SHCBP1: variants seen among roughly 807,000 people sequenced by gnomAD.
The protein encoded by SHCBP1 is SHC SH2 domain-binding protein 1.
Under a neutral mutation model 75.1 loss-of-function variants are expected in SHCBP1, and 60 were observed. The ratio of observed to expected loss-of-function variants is 0.80; its 90% CI spans 0.65 to 0.99. The LOEUF (loss-of-function observed/expected upper bound fraction) is 0.99, where lower values mean the gene tolerates loss of function less well. SHCBP1 is among the 50% of genes least tolerant of loss of function. The pLI, the probability that SHCBP1 is intolerant of heterozygous loss-of-function variation, is 0.00. For synonymous variants in SHCBP1, 290 were observed against 293.2 expected (o/e 0.99, Z 0.11); for missense variants, 709 against 809.4 (o/e 0.88, Z 1.50).
In SHCBP1 at chr16:46,603,957, GA is replaced by G; in HGVS notation, c.1092+17del. 1 of 1,596,944 alleles carries G rather than the reference GA, an allele frequency of 6.3e-7. No individual in the cohort carries two copies. The highest frequency in any genetic ancestry group is 1.1e-5 in the South Asian group (1 of 87,762). On this transcript the variant is annotated intron_variant, in intron 7 of 12. Coordinates refer to ENST00000303383, the MANE Select transcript of SHCBP1 (RefSeq NM_024745.5). ...AGAAGGAAAAAAAGCCACCTGGAGT[GA>G]GAAACTCTCCGTTTACCTGAATTTC... is the stretch of plus-strand genomic sequence containing the variant.
chr16:46,608,149 T>G, intron 5 of SHCBP1, 148 bp downstream of exon 5: 1 of 592,606 alleles, frequency 1.7e-6, no homozygotes, highest in South Asian at 2.1e-5. Context: ...TTTATTTCTG[T>G]CTATGAGATC....
chr16:46,583,581 C>G lies in SHCBP1; in HGVS notation c.1628G>C (p.Gly543Ala). Residue 543 changes from glycine to alanine, a missense_variant, in exon 12 of 13, where the codon GGT becomes GCT. Gly to Ala is a moderately conservative substitution (Grantham distance 60). Coordinates refer to ENST00000303383, the MANE Select transcript of SHCBP1 (RefSeq NM_024745.5). ...GATTGTAGGTTTCACCAAGACAACA[C>G]CATAACCTTCATTATTATGTATTAT... is the stretch of plus-strand genomic sequence containing the variant. Reference protein sequence around the residue: ...NNIIHNNEGYGVVLVKPTIFS... With the variant: ...NNIIHNNEGYAVVLVKPTIFS... 1 of 1,611,476 alleles carries G rather than the reference C, an allele frequency of 6.2e-7. No individual in the cohort carries two copies. Among genetic ancestry groups the G allele is most frequent in the South Asian group, 1.1e-5 (1 of 90,168 alleles).
In SHCBP1 at chr16:46,579,214, G is replaced by C. The variant is rs1407079165; in HGVS notation, c.*2515C>G. Among the ~76,000 whole-genome samples the C allele has an allele frequency of 6.6e-6, 1 of 152,080 alleles. No homozygotes were observed. Among genetic ancestry groups the C allele is most frequent in the African/African-American group, 2.4e-5 (1 of 41,390 alleles). Reference sequence around the variant, plus strand: ...GACACACAATTAGTCAACACAGAAGGCTATCCTTTCTCCACATCAGTGTTT... The same window carrying C: ...GACACACAATTAGTCAACACAGAAGCCTATCCTTTCTCCACATCAGTGTTT... On this transcript the variant is annotated 3_prime_UTR_variant, in exon 13 of 13. Coordinates refer to ENST00000303383, the MANE Select transcript of SHCBP1 (RefSeq NM_024745.5).
chr16:46,582,105 C>T, intron 12 of SHCBP1, 51 bp from the exon 13 acceptor site: 3 of 1,520,972 alleles, frequency 2.0e-6, no homozygotes, highest in Non-Finnish European at 2.6e-6. Flanking sequence ...GCTAACCCAA[C>T]AAAAACATAT....
chr16:46,608,070 C>T (rs751596720), intron 5 of SHCBP1, among the ~76,000 whole-genome samples: 7 of 152,096 alleles, frequency 4.6e-5, no homozygotes, highest in South Asian at 2.1e-4. Flanking sequence ...ACACTAAAAG[C>T]AAGTTTCTCT....
chr16:46,615,844 T>C, intron 4 of SHCBP1, 102 bp downstream of exon 4: 1 of 984,442 alleles, frequency 1.0e-6, no homozygotes, highest in African/African-American at 1.6e-5. Flanking sequence ...ATGACCAAGT[T>C]TACAGTTGAG....
intron 4 of SHCBP1, 70 bp downstream of exon 4, chr16:46,615,876 A>G: frequency 6.8e-7 from 1 of 1,465,376 alleles, no homozygotes; most frequent in Non-Finnish European, 9.6e-7. Flanking sequence ...GGTCTAACAC[A>G]GACCAGAATT....
intron 1 of SHCBP1, among the ~76,000 whole-genome samples, chr16:46,619,483 T>G (rs1179384108): frequency 6.6e-6 from 1 of 152,188 alleles, no homozygotes; most frequent in African/African-American, 2.4e-5. Flanking sequence ...CTGATGCACA[T>G]GAACCTTAGA....
chr16:46,613,803 C>T (rs1240124080), intron 4 of SHCBP1, among the ~76,000 whole-genome samples: 1 of 152,176 alleles, frequency 6.6e-6, no homozygotes, highest in Admixed American at 6.5e-5. Context: ...ACCAGACATA[C>T]CCCATCCTTG....
At chr16:46,609,187 T>C (rs1188668812) in intron 4 of SHCBP1, among the ~76,000 whole-genome samples, 2 of 152,004 alleles carry the variant, frequency 1.3e-5, no homozygotes, top group African/African-American at 4.8e-5. Flanking sequence ...TGGGACACTT[T>C]TAAAAATTGA....
At chr16:46,611,464 A>G (rs868744348) in intron 4 of SHCBP1, among the ~76,000 whole-genome samples, 1 of 152,258 alleles carries the variant, frequency 6.6e-6, no homozygotes, top group South Asian at 2.1e-4. Context: ...TCCTTGATTT[A>G]CTCGTCACCA....
rs148725754 is a variant in SHCBP1, at chr16:46,580,061, G to A, written c.*1668C>T. The stretch of plus-strand genomic sequence containing the variant: ...AATTGCTTGAATTCAGGAGGTGGAG[G>A]TTACAGTAAGCCGAGATAGTGCCAC... On this transcript the variant is annotated 3_prime_UTR_variant, in exon 13 of 13. Transcript: ENST00000303383. 7.8e-3 allele frequency among the ~76,000 whole-genome samples: 1,176 copies of A among 151,304 alleles called. 17 individuals are homozygous for A. Among genetic ancestry groups the A allele is most frequent in the African/African-American group, 0.027 (1,111 of 41,192 alleles).
intron 4 of SHCBP1, among the ~76,000 whole-genome samples, chr16:46,615,698 C>T (rs1488470588): frequency 6.6e-6 from 1 of 151,974 alleles, no homozygotes; most frequent in African/African-American, 2.4e-5. Context: ...CGAGATCATG[C>T]CACTGCACTC....
intron 10 of SHCBP1, among the ~76,000 whole-genome samples, chr16:46,592,236 C>T (rs2142998677): frequency 6.6e-6 from 1 of 151,992 alleles, no homozygotes; most frequent in East Asian, 1.9e-4. Flanking sequence ...AGAGAGAAGA[C>T]ACAAACTACC....
intron 10 of SHCBP1, among the ~76,000 whole-genome samples, chr16:46,593,469 G>A (rs569623191): frequency 6.6e-6 from 1 of 152,288 alleles, no homozygotes; most frequent in Non-Finnish European, 1.5e-5. Flanking sequence ...GGGGGCTCAT[G>A]TTTATAATCC....
intron 5 of SHCBP1, among the ~76,000 whole-genome samples, chr16:46,605,093 G>A (rs1468155621): frequency 6.6e-6 from 1 of 151,682 alleles, no homozygotes; most frequent in Non-Finnish European, 1.5e-5. Context: ...ATTCCGAGGG[G>A]GAAAAAAAGG....
Position 46,599,922 on chromosome 16 carries a change from G to T in SHCBP1, c.1254C>A (p.Gly418=). The T allele has an allele frequency of 1.2e-6, 2 of 1,613,326 alleles. No homozygotes were observed. The highest frequency in any genetic ancestry group is 1.7e-6 in the Non-Finnish European group (2 of 1,179,792). ...LPDDIVIEKR[G]KGDTFVDCTG... ...TGCAGTCCACAAAAGTGTCGCCTTT[G>T]CCCCTCTTTTCTATCACAATGTCAT... The change falls in exon 9 of 13, where the codon GGC becomes GGA. Residue 418 remains glycine, a synonymous_variant. Coordinates refer to ENST00000303383, the MANE Select transcript of SHCBP1 (RefSeq NM_024745.5).
chr16:46,603,544 A>G lies in SHCBP1; in HGVS notation c.1208T>C (p.Leu403Ser). Residue 403 changes from leucine to serine, a missense_variant, in exon 8 of 13, where the codon TTG (leucine) becomes TCG (serine). Leu to Ser is a moderately radical substitution (Grantham distance 145, BLOSUM62 -2). Coordinates refer to ENST00000303383, the MANE Select transcript of SHCBP1 (RefSeq NM_024745.5). ...GTFSIADSIE[L>S]EGYGLPDDIV... ...TGTGTGTCTTCCATACTCACCTTCCAACTCAATGGAGTCAGCAATGGAGAA... is the reference window on the plus strand; with the variant it reads ...TGTGTGTCTTCCATACTCACCTTCCGACTCAATGGAGTCAGCAATGGAGAA... 1 of 1,614,182 alleles carries G rather than the reference A, an allele frequency of 6.2e-7. No homozygotes were observed. The highest frequency in any genetic ancestry group is 2.2e-5 in the East Asian group (1 of 44,882).
intron 10 of SHCBP1, among the ~76,000 whole-genome samples, chr16:46,587,272 C>T (rs1017480011): frequency 6.6e-5 from 10 of 151,938 alleles, no homozygotes; most frequent in Admixed American, 2.6e-4. Context: ...CAACCTAGGG[C>T]GACCACTAAA....
Sources: gnomAD v4.1 joint callset for allele counts (sites outside exome capture counted in the v4.1 genomes callset) on GRCh38, gnomAD v4.1.1 for gene constraint, MANE v1.5 for transcripts, NCBI Gene and HGNC (gene_info 2026-07-23, HGNC 2026-07-21) for gene names.